MAP2K4: variants seen among roughly 807,000 people sequenced by gnomAD.
The protein encoded by MAP2K4 is mitogen-activated protein kinase kinase 4.
Under a neutral mutation model 48.5 loss-of-function variants are expected in MAP2K4, and 4 were observed. That is an observed-to-expected ratio of 0.08 (90% confidence interval 0.04 to 0.19). The LOEUF is 0.19. MAP2K4 is among the 10% of genes least tolerant of loss of function. The pLI, the probability that MAP2K4 is intolerant of heterozygous loss-of-function variation, is 1.00. For synonymous variants in MAP2K4, 166 were observed against 173.1 expected (o/e 0.96, Z 0.32); for missense variants, 258 against 493.3 (o/e 0.52, Z 4.52).
At chr17:12,087,437 A>G (rs980109537) in intron 3 of MAP2K4, among the ~76,000 whole-genome samples, 1 of 152,138 alleles carries the variant, frequency 6.6e-6, no homozygotes, top group Admixed American at 6.5e-5. Flanking sequence ...TACCACTCTT[A>G]CCAAGGCATG....
intron 2 of MAP2K4, among the ~76,000 whole-genome samples, chr17:12,056,560 T>C (rs934161360): frequency 1.1e-4 from 16 of 152,156 alleles, no homozygotes; most frequent in South Asian, 2.1e-4. Context: ...TAGGTAGTTT[T>C]ACCTTATGAT....
At chr17:12,129,629 T>G (rs963003187) in intron 9 of MAP2K4, among the ~76,000 whole-genome samples, 3 of 152,224 alleles carry the variant, frequency 2.0e-5, no homozygotes, top group African/African-American at 7.2e-5. Context: ...ACAATGCAAT[T>G]GCACCAAAAT....
chr17:12,092,880 G>A (rs2151559142), intron 3 of MAP2K4, among the ~76,000 whole-genome samples: 1 of 152,238 alleles, frequency 6.6e-6, no homozygotes, highest in Non-Finnish European at 1.5e-5. Flanking sequence ...CAAAAAATTA[G>A]CCAGGAGTGG....
chr17:12,024,243 A>T (rs904421851), intron 1 of MAP2K4, among the ~76,000 whole-genome samples: 1 of 152,068 alleles, frequency 6.6e-6, no homozygotes, highest in African/African-American at 2.4e-5. Flanking sequence ...TGCTCTACTC[A>T]TTTTTTTCAT....
intron 1 of MAP2K4, chr17:12,032,252 C>T (rs768236311): frequency 7.1e-7 from 1 of 1,406,866 alleles, no homozygotes; most frequent in South Asian, 1.5e-5. Context: ...TGGAACTTAT[C>T]TTTTTTACTT....
intron 6 of MAP2K4, chr17:12,110,738 G>A (rs1274006528): frequency 1.1e-5 from 3 of 283,654 alleles, no homozygotes; most frequent in African/African-American, 2.3e-5. Flanking sequence ...AAGGCATCGA[G>A]GTGGTCCTGT....
In MAP2K4 at chr17:12,081,314, C is replaced by A. The variant is rs570988039; in HGVS notation, c.219-42C>A. The A allele has an allele frequency of 2.6e-6, 4 of 1,517,020 alleles. No homozygotes were observed. The highest frequency in any genetic ancestry group is 2.3e-5 in the East Asian group (1 of 44,106). The allele number at this position is 1,517,020 out of a possible 1,614,324, so 94.0% of individuals were successfully genotyped here. A position where few individuals can be genotyped will look rare whatever the true frequency, so the allele number is the denominator to read the frequency against. On this transcript the variant is annotated intron_variant, in intron 2 of 10. Transcript: ENST00000353533. The surrounding 1 kb of genome is among the most constrained non-coding windows in gnomAD (Gnocchi z 4.2). ...AGTACTAAAAGAAAAAAGTTAAAAC[C>A]TATTTAAAATGTGGAAAAATTGCTT... is the stretch of plus-strand genomic sequence containing the variant.
At chr17:12,055,100 C>A in intron 2 of MAP2K4, 109 bp downstream of exon 2, 1 of 637,420 alleles carries the variant, frequency 1.6e-6, no homozygotes, top group Non-Finnish European at 2.7e-6. Context: ...TCTGACTAAA[C>A]TCTCTGGGAA....
intron 2 of MAP2K4, among the ~76,000 whole-genome samples, chr17:12,072,817 G>A (rs1242839880): frequency 3.3e-5 from 5 of 151,944 alleles, no homozygotes; most frequent in African/African-American, 7.3e-5. Context: ...TTTTCTCATC[G>A]ACATGTTTAA....
rs370007440 is a variant in MAP2K4, at chr17:12,129,303, A to T, written c.1040+16A>T. ...TCAACTTGTGGTGAGTACCTGATTT[A>T]TGAATGGTCGAACACGCATGGCGAG... On this transcript the variant is annotated intron_variant, in intron 9 of 10. Coordinates refer to ENST00000353533, the MANE Select transcript of MAP2K4 (RefSeq NM_003010.4). 14 of 1,614,200 alleles carry T rather than the reference A, an allele frequency of 8.7e-6. No individual in the cohort carries two copies. Among genetic ancestry groups the T allele is most frequent in the Non-Finnish European group, 1.2e-5 (14 of 1,180,004 alleles).
In MAP2K4 at chr17:12,096,565, C is replaced by A. The variant is rs28923199; in HGVS notation, c.513+871C>A. Among the ~76,000 whole-genome samples, 455 of 152,316 alleles carry A rather than the reference C, an allele frequency of 3.0e-3. 3 individuals are homozygous for A. Among genetic ancestry groups the A allele is most frequent in the African/African-American group, 0.01 (432 of 41,568 alleles). On this transcript the variant is annotated intron_variant, in intron 4 of 10. Transcript: ENST00000353533. ...TACTCTCTAAAAAAAATACCTTTCT[C>A]ATTTTGCAAATGTTAGGATGAATAA...
At chr17:12,076,684 ACTT>A (rs1371807184) in intron 2 of MAP2K4, among the ~76,000 whole-genome samples, 30 of 150,418 alleles carry the variant, frequency 2.0e-4, no homozygotes, top group Admixed American at 1.8e-3. Flanking sequence ...TTCATATTTC[ACTT>A]CTTTTGAATG....
At chr17:12,056,746 G>GC (rs1970293944) in intron 2 of MAP2K4, among the ~76,000 whole-genome samples, 1 of 151,996 alleles carries the variant, frequency 6.6e-6, no homozygotes, top group Admixed American at 6.6e-5. Context: ...TACCTTCCCA[G>GC]CCCCTTCCAA....
intron 7 of MAP2K4, among the ~76,000 whole-genome samples, chr17:12,121,582 A>C (rs896499580): frequency 1.3e-5 from 2 of 151,954 alleles, no homozygotes; most frequent in Non-Finnish European, 2.9e-5. Flanking sequence ...CTCAAAAAAA[A>C]AAAAAAAAAA....
At chr17:12,039,183 T>C (rs1484876721) in intron 1 of MAP2K4, among the ~76,000 whole-genome samples, 3 of 152,218 alleles carry the variant, frequency 2.0e-5, no homozygotes, top group East Asian at 3.8e-4. Context: ...AAATGACTTA[T>C]ATGCCTGGGT....
rs1971173220 is a variant in MAP2K4, at chr17:12,081,106, T to A, written c.219-250T>A. ...AGTTTAATCAATAAATGGGAATTTT[T>A]AAAAATCTTCTTGGCAATTTGTTTT... On this transcript the variant is annotated intron_variant, in intron 2 of 10. Coordinates refer to ENST00000353533, the MANE Select transcript of MAP2K4 (RefSeq NM_003010.4). This position sits in a 1 kb window ranked among gnomAD's most constrained non-coding sequence, Gnocchi z 4.2. 3.9e-5 allele frequency among the ~76,000 whole-genome samples: 6 copies of A among 152,346 alleles called. No individual in the cohort carries two copies. The South Asian group carries it at 1.2e-3, about 32-fold the overall frequency.
At chr17:12,132,180 G>T (rs1304284264) in intron 9 of MAP2K4, among the ~76,000 whole-genome samples, 1 of 152,184 alleles carries the variant, frequency 6.6e-6, no homozygotes, top group Non-Finnish European at 1.5e-5. Flanking sequence ...GCAGTATCCA[G>T]TATAGCTGAT....
intron 1 of MAP2K4, among the ~76,000 whole-genome samples, chr17:12,047,580 T>A (rs1339083900): frequency 6.6e-6 from 1 of 152,240 alleles, no homozygotes; most frequent in Non-Finnish European, 1.5e-5. Context: ...GATCCTGGAT[T>A]AGGATAGGAA....
rs759895365 is a variant in MAP2K4 at position 12,141,263 on chromosome 17, T to C, written c.*3T>C. On this transcript the variant is annotated 3_prime_UTR_variant, in exon 11 of 11. Transcript: ENST00000353533. ...GCTCTCCCATGTATGTCGATTGATA[T>C]CGCTGCTACATCAGACTCTAGAAAA... is the stretch of plus-strand genomic sequence containing the variant. The C allele has an allele frequency of 6.3e-7, 1 of 1,594,796 alleles. No homozygotes were observed. The highest frequency in any genetic ancestry group is 1.7e-5 in the Admixed American group (1 of 59,970).
Sources: gnomAD v4.1 joint callset for allele counts (sites outside exome capture counted in the v4.1 genomes callset) on GRCh38, gnomAD v4.1.1 for gene constraint, Gnocchi (gnomAD v3.1) non-coding constraint, MANE v1.5 for transcripts, NCBI Gene and HGNC (gene_info 2026-07-23, HGNC 2026-07-21) for gene names.